TRIM49: variants seen among roughly 807,000 people sequenced by gnomAD.
TRIM49 encodes tripartite motif containing 49.
In TRIM49, 5 loss-of-function variants were observed where a neutral mutation model predicts 27.4. The ratio of observed to expected loss-of-function variants is 0.18; its 90% confidence interval spans 0.10 to 0.38. The LOEUF is 0.38. Ranked by LOEUF, TRIM49 falls within the 10% of genes least tolerant of loss-of-function variation. The pLI, the probability that TRIM49 is intolerant of heterozygous loss-of-function variation, is 1.00. For synonymous variants in TRIM49, 69 were observed against 166.0 expected (o/e 0.42, Z 4.49); for missense variants, 188 against 487.5 (o/e 0.39, Z 5.79).
chr11:89,787,192 G>C, the TRIM49 span: 3 of 240,436 alleles, frequency 1.2e-5, no homozygotes, highest in Non-Finnish European at 2.4e-5. Context: ...ACTGCGAGCT[G>C]TCCGCGCTGA....
At chr11:89,791,046 C>T in the TRIM49 span, among the ~76,000 whole-genome samples, 1 of 148,240 alleles carries the variant, frequency 6.7e-6, no homozygotes, top group Admixed American at 6.6e-5. Flanking sequence ...TAGAGAAGTC[C>T]TTAAATGACC....
chr11:89,768,205 C>A, the TRIM49 span: 2 of 1,402,622 alleles, frequency 1.4e-6, no homozygotes, highest in South Asian at 2.4e-5. Context: ...AGTGGTTGAG[C>A]CTGTCCACCG....
At chr11:89,768,048 T>C in the TRIM49 span, 1 of 478,516 alleles carries the variant, frequency 2.1e-6, no homozygotes, top group Non-Finnish European at 3.7e-6. Context: ...TGTTTGAGGA[T>C]AGTGAAACTA....
the TRIM49 span, chr11:89,768,146 T>G: frequency 2.9e-6 from 3 of 1,030,122 alleles, no homozygotes; most frequent in Non-Finnish European, 4.3e-6. Flanking sequence ...AAACCATAAC[T>G]GAAGGCATTG....
chr11:89,790,994 A>G, the TRIM49 span, among the ~76,000 whole-genome samples: 126 of 150,140 alleles, frequency 8.4e-4, 1 homozygote, highest in African/African-American at 2.9e-3. Context: ...GAAGCTAAAA[A>G]CCTTGAAAAA....
At chr11:89,770,853 G>C in the TRIM49 span, among the ~76,000 whole-genome samples, 1 of 141,986 alleles carries the variant, frequency 7.0e-6, no homozygotes, top group South Asian at 2.2e-4. Context: ...GTGACAGAGC[G>C]AGACTCTGTC....
rs1399252127 is a variant in TRIM49 at position 89,808,410 on chromosome 11, T to C, written c.-191+27A>G. The C allele has an allele frequency of 1.3e-5, 2 of 150,202 alleles. 1 individual carries two copies. Among genetic ancestry groups the C allele is most frequent in the African/African-American group, 5.0e-5 (2 of 39,812 alleles). The allele number at this position is 150,202 out of a possible 1,614,324, so 9.3% of individuals were successfully genotyped here. ...ATGTATAGTTAGGGAGATTCACATA[T>C]GAATTAAGTGCAAAGACTTGACTTA... On this transcript the variant is annotated intron_variant, in intron 1 of 7. Coordinates refer to ENST00000329758, the MANE Select transcript of TRIM49 (RefSeq NM_020358.2).
chr11:89,800,486 G>A (rs1447695232), intron 6 of TRIM49, among the ~76,000 whole-genome samples: 5 of 151,510 alleles, frequency 3.3e-5, no homozygotes, highest in Non-Finnish European at 7.4e-5. Flanking sequence ...GTTCACGCCT[G>A]TAATCCCAGC....
chr11:89,778,044 A>C, the TRIM49 span: 1 of 522,102 alleles, frequency 1.9e-6, no homozygotes, highest in Non-Finnish European at 3.5e-6. Flanking sequence ...CTTTGTTTTT[A>C]CGCAAATAAA....
At chr11:89,771,715 AC>A in the TRIM49 span, among the ~76,000 whole-genome samples, 8 of 56,586 alleles carry the variant, frequency 1.4e-4, no homozygotes, top group Non-Finnish European at 2.4e-4. Flanking sequence ...CCCATCTTGA[AC>A]TACCCTATGC....
At chr11:89,768,092 T>C in the TRIM49 span, 4 of 674,428 alleles carry the variant, frequency 5.9e-6, no homozygotes, top group Non-Finnish European at 1.0e-5. Context: ...ACTATTCTCT[T>C]GTTCTAGATG....
At chr11:89,794,003 C>T (rs1288636093), downstream of TRIM49, among the ~76,000 whole-genome samples, 22 of 145,136 alleles carry the variant, frequency 1.5e-4, no homozygotes, top group Non-Finnish European at 3.3e-4. Flanking sequence ...CGTCTCAGCC[C>T]AAAATCTCCT....
downstream of TRIM49, among the ~76,000 whole-genome samples, chr11:89,795,672 G>A: frequency 7.5e-6 from 1 of 132,626 alleles, no homozygotes; most frequent in South Asian, 2.6e-4. Flanking sequence ...TCACTCATAG[G>A]TGGGAATTGA....
At chr11:89,804,036 C>T (rs577356877) in intron 3 of TRIM49, 23 bp downstream of exon 3, 23 of 1,608,488 alleles carry the variant, frequency 1.4e-5, no homozygotes, top group African/African-American at 2.7e-5. Flanking sequence ...TTACAGAAAT[C>T]GATCTTCAGA....
chr11:89,793,694 T>C (rs60842940), downstream of TRIM49, among the ~76,000 whole-genome samples: 1 of 151,940 alleles, frequency 6.6e-6, no homozygotes. Flanking sequence ...CCCCTCATGC[T>C]AAAACCTCTC....
chr11:89,777,780 T>A, the TRIM49 span: 9 of 534,204 alleles, frequency 1.7e-5, no homozygotes, highest in African/African-American at 4.2e-5. Flanking sequence ...ATTAGAATCA[T>A]ATTCGTTTAA....
the TRIM49 span, among the ~76,000 whole-genome samples, chr11:89,769,838 A>T: frequency 3.2e-5 from 3 of 93,574 alleles, no homozygotes; most frequent in Non-Finnish European, 5.8e-5. Flanking sequence ...ACTCAGCAGG[A>T]AGAGTGTCTC....
At chr11:89,796,361 T>C (rs1430870482), downstream of TRIM49, among the ~76,000 whole-genome samples, 6 of 147,748 alleles carry the variant, frequency 4.1e-5, no homozygotes, top group African/African-American at 5.1e-5. Flanking sequence ...GCCCCCTGAG[T>C]AGCTGGGACT....
chr11:89,791,680 G>C, the TRIM49 span, among the ~76,000 whole-genome samples: 1 of 151,964 alleles, frequency 6.6e-6, no homozygotes, highest in African/African-American at 2.4e-5. Flanking sequence ...CTCCTGTATA[G>C]ACAAGCAAAT....
Sources: gnomAD v4.1 joint callset for allele counts (sites outside exome capture counted in the v4.1 genomes callset) on GRCh38, gnomAD v4.1.1 for gene constraint, MANE v1.5 for transcripts, NCBI Gene and HGNC (gene_info 2026-07-23, HGNC 2026-07-21) for gene names.